Variants in ENTREP2 observed in about 807,000 individuals in gnomAD.
ENTREP2 encodes the protein protein ENTREP2.
the ENTREP2 span, among the ~76,000 whole-genome samples, chr15:29,460,570 G>A: frequency 2.6e-5 from 4 of 152,132 alleles, no homozygotes; most frequent in African/African-American, 9.7e-5. Context: ...GGCGGAGGCT[G>A]CAGTGACCCG....
At chr15:29,340,905 A>G in the ENTREP2 span, among the ~76,000 whole-genome samples, 1 of 152,084 alleles carries the variant, frequency 6.6e-6, no homozygotes, top group Admixed American at 6.6e-5. Context: ...CCCCAACCCC[A>G]GTTTTAATTT....
chr15:29,242,727 A>T, the ENTREP2 span, among the ~76,000 whole-genome samples: 1 of 152,198 alleles, frequency 6.6e-6, no homozygotes, highest in Non-Finnish European at 1.5e-5. Flanking sequence ...TTTGCCATGT[A>T]GCGAATGATG....
At chr15:29,667,487 CTT>C in the ENTREP2 span, among the ~76,000 whole-genome samples, 382 of 104,654 alleles carry the variant, frequency 3.7e-3, 4 homozygotes, top group African/African-American at 0.013. Context: ...TGCGCCTGGC[CTT>C]TTTTTTTTTT....
the ENTREP2 span, among the ~76,000 whole-genome samples, chr15:29,651,264 T>C: frequency 1.3e-5 from 2 of 152,224 alleles, no homozygotes; most frequent in Admixed American, 1.3e-4. Flanking sequence ...TTATCTTCCA[T>C]GATTGCAAAC....
the ENTREP2 span, among the ~76,000 whole-genome samples, chr15:29,252,203 T>C: frequency 6.6e-6 from 1 of 152,232 alleles, no homozygotes; most frequent in Non-Finnish European, 1.5e-5. Context: ...ATCTAACTTA[T>C]AGAAATAAAT....
chr15:29,479,431 C>A, the ENTREP2 span, among the ~76,000 whole-genome samples: 6 of 151,912 alleles, frequency 3.9e-5, no homozygotes, highest in Non-Finnish European at 8.8e-5. Context: ...TTTATAGCGA[C>A]ACAAGAAGGG....
the ENTREP2 span, among the ~76,000 whole-genome samples, chr15:29,541,538 C>T: frequency 6.6e-6 from 1 of 152,022 alleles, no homozygotes; most frequent in Non-Finnish European, 1.5e-5. Context: ...GCGGGGAGAG[C>T]CTTCTCTGAA....
At chr15:29,276,188 G>T in the ENTREP2 span, among the ~76,000 whole-genome samples, 1 of 152,220 alleles carries the variant, frequency 6.6e-6, no homozygotes, top group Non-Finnish European at 1.5e-5. Flanking sequence ...GCCTTGACAA[G>T]ATAGTGCTTT....
At chr15:29,269,745 A>C in the ENTREP2 span, 1 of 1,438,954 alleles carries the variant, frequency 6.9e-7, no homozygotes, top group East Asian at 2.9e-5. Flanking sequence ...CCGGTAGGCA[A>C]GCAGCCGCGG....
the ENTREP2 span, among the ~76,000 whole-genome samples, chr15:29,571,381 G>T: frequency 6.6e-6 from 1 of 152,210 alleles, no homozygotes; most frequent in Non-Finnish European, 1.5e-5. Flanking sequence ...GGGGCGCTGA[G>T]GACGGGGAGA....
At chr15:29,409,211 C>T in the ENTREP2 span, among the ~76,000 whole-genome samples, 1 of 152,190 alleles carries the variant, frequency 6.6e-6, no homozygotes, top group African/African-American at 2.4e-5. Context: ...GGTTTTAATA[C>T]AATTATGGTT....
the ENTREP2 span, among the ~76,000 whole-genome samples, chr15:29,473,356 C>T: frequency 1.3e-5 from 2 of 151,738 alleles, no homozygotes; most frequent in Non-Finnish European, 2.9e-5. Context: ...CATAACACTT[C>T]CAACAAAATA....
At chr15:29,345,142 A>T in the ENTREP2 span, among the ~76,000 whole-genome samples, 1 of 152,190 alleles carries the variant, frequency 6.6e-6, no homozygotes, top group South Asian at 2.1e-4. Flanking sequence ...TACCGTAGGT[A>T]GTAAGTGCTT....
chr15:29,201,739 A>G, the ENTREP2 span, among the ~76,000 whole-genome samples: 1 of 151,994 alleles, frequency 6.6e-6, no homozygotes, highest in Non-Finnish European at 1.5e-5. Context: ...CTGTAATTTT[A>G]TTTTTCTATA....
the ENTREP2 span, among the ~76,000 whole-genome samples, chr15:29,312,672 T>A: frequency 6.6e-6 from 1 of 152,210 alleles, no homozygotes; most frequent in African/African-American, 2.4e-5. Flanking sequence ...TATAAGGCAG[T>A]GAACTTAACT....
At chr15:29,223,472 T>C in the ENTREP2 span, among the ~76,000 whole-genome samples, 1 of 152,182 alleles carries the variant, frequency 6.6e-6, no homozygotes, top group African/African-American at 2.4e-5. Context: ...AGCCTGTTCC[T>C]TCGTAGACAT....
chr15:29,412,267 C>A, the ENTREP2 span, among the ~76,000 whole-genome samples: 1 of 151,982 alleles, frequency 6.6e-6, no homozygotes, highest in South Asian at 2.1e-4. Flanking sequence ...AAGTTTTACA[C>A]TTTTCTGCAT....
the ENTREP2 span, among the ~76,000 whole-genome samples, chr15:29,466,703 G>A: frequency 8.3e-6 from 1 of 119,832 alleles, no homozygotes; most frequent in African/African-American, 3.3e-5. Context: ...GATGCTGATG[G>A]CCCCAGGGGA....
chr15:29,252,708 G>A, the ENTREP2 span, among the ~76,000 whole-genome samples: 1 of 152,164 alleles, frequency 6.6e-6, no homozygotes, highest in Non-Finnish European at 1.5e-5. Flanking sequence ...AAGCTACCAT[G>A]ATTTTGTTTA....
Sources: gnomAD v4.1 joint callset for allele counts (sites outside exome capture counted in the v4.1 genomes callset) on GRCh38, gnomAD v4.1.1 for gene constraint, MANE v1.5 for transcripts, NCBI Gene and HGNC (gene_info 2026-07-23, HGNC 2026-07-21) for gene names.